AMZ1: variants seen among roughly 807,000 people sequenced by gnomAD.
AMZ1 encodes the protein archaemetzincin-1.
Under a neutral mutation model 29.9 loss-of-function variants are expected in AMZ1, and 39 were observed. The observed-to-expected ratio is 1.30, with a 90% CI of 1.01 to 1.70. The LOEUF (loss-of-function observed/expected upper bound fraction) is 1.70, where lower values mean the gene tolerates loss of function less well. AMZ1 is among the 40% of genes most tolerant of loss of function. The pLI, the probability that AMZ1 is intolerant of heterozygous loss-of-function variation, is 0.00. For synonymous variants in AMZ1, 458 were observed against 304.0 expected, an observed-to-expected ratio of 1.51 and a Z score of -5.27; for missense variants, 1,041 against 680.6, an observed-to-expected ratio of 1.53 and a Z score of -5.89.
rs139431233 is a variant in AMZ1, at chr7:2,690,342, C to T, written c.-219+2046C>T. On this transcript the variant is annotated intron_variant, in intron 1 of 6. Transcript: ENST00000683327. ...AAAGCAATCCTCCCATCTCAGCCTC[C>T]CTAGTAGCTGGGACCACAGGCATGC... 5.9e-5 allele frequency among the ~76,000 whole-genome samples: 9 copies of T among 152,328 alleles called. No homozygotes were observed. The East Asian group carries it at 1.7e-3, about 29-fold the overall frequency.
At position 2,718,083 on chromosome 7, in the gene AMZ1, C is replaced by T. The variant is rs1789235265; in HGVS notation, c.*5205C>T. On this transcript the variant is annotated 3_prime_UTR_variant, in exon 7 of 7. Coordinates refer to ENST00000683327, the MANE Select transcript of AMZ1 (RefSeq NM_001384743.1). The stretch of plus-strand genomic sequence containing the variant: ...CCTCTCTGAGAGGGGCCCGAGCTCT[C>T]GCAAGATTAACCAGAGACGACACCT... 6.6e-6 allele frequency among the ~76,000 whole-genome samples: 1 copy of T among 152,186 alleles called. No individual in the cohort carries two copies. Among genetic ancestry groups the T allele is most frequent in the South Asian group, 2.1e-4 (1 of 4,830 alleles).
chr7:2,752,162 C>T (rs1791072190), intron 4 of AMZ1, among the ~76,000 whole-genome samples: 1 of 151,074 alleles, frequency 6.6e-6, no homozygotes, highest in Non-Finnish European at 1.5e-5. Context: ...ACTATTTTAG[C>T]AAAATAAGGA....
At chr7:2,708,327 C>T (rs147552751) in intron 3 of AMZ1, among the ~76,000 whole-genome samples, 63 of 152,292 alleles carry the variant, frequency 4.1e-4, no homozygotes, top group Middle Eastern at 3.4e-3. Context: ...CTTGTTGGCC[C>T]GGCTGCCTCT....
chr7:2,719,956 C>T (rs1351385818), downstream of AMZ1, among the ~76,000 whole-genome samples: 1 of 152,220 alleles, frequency 6.6e-6, no homozygotes, highest in Non-Finnish European at 1.5e-5. Flanking sequence ...GCCAGGATTA[C>T]AGGCGTCAGC....
intron 4 of AMZ1, among the ~76,000 whole-genome samples, chr7:2,753,851 C>T (rs1791154311): frequency 6.6e-6 from 1 of 152,150 alleles, no homozygotes; most frequent in South Asian, 2.1e-4. Context: ...GCAACCTCCT[C>T]TTCTGGTTTA....
chr7:2,745,818 C>A (rs930479870), intron 4 of AMZ1, among the ~76,000 whole-genome samples: 16 of 152,092 alleles, frequency 1.1e-4, no homozygotes, highest in African/African-American at 3.9e-4. Context: ...TAAAGGGATG[C>A]AGGAAGATCT....
chr7:2,741,352 C>G (rs1222696800), intron 4 of AMZ1, among the ~76,000 whole-genome samples: 1 of 152,106 alleles, frequency 6.6e-6, no homozygotes, highest in Non-Finnish European at 1.5e-5. Flanking sequence ...GAGACACTGT[C>G]TCTTAAAAAA....
chr7:2,731,873 A>G lies in AMZ1; in HGVS notation n.550+22057A>G, dbSNP rs1160750248. 9 of 537,420 alleles carry G rather than the reference A, an allele frequency of 1.7e-5. No homozygotes were observed. Among genetic ancestry groups the G allele is most frequent in the Non-Finnish European group, 2.3e-5 (7 of 310,834 alleles). 33.3% of individuals were successfully genotyped at this position (537,420 alleles called of 1,614,324 possible). ...TGACTTTTGCAACAGGTTGAACCAGAAACCAAAAGCAAATTTCATTTATAA... is the reference window on the plus strand; with the variant it reads ...TGACTTTTGCAACAGGTTGAACCAGGAACCAAAAGCAAATTTCATTTATAA... On this transcript the variant is annotated intron_variant and non_coding_transcript_variant, in intron 4 of 4. Coordinates refer to the AMZ1 transcript ENST00000489665. This position sits in a 1 kb window ranked among gnomAD's most constrained non-coding sequence, Gnocchi z 6.0.
intron 4 of AMZ1, among the ~76,000 whole-genome samples, chr7:2,735,485 G>C (rs781350247): frequency 2.6e-5 from 4 of 152,150 alleles, no homozygotes; most frequent in East Asian, 1.9e-4. Context: ...TAGTACGGAC[G>C]CAAGGGGAAA....
chr7:2,743,629 T>C (rs972542626), intron 4 of AMZ1, among the ~76,000 whole-genome samples: 6 of 152,044 alleles, frequency 3.9e-5, no homozygotes, highest in African/African-American at 1.4e-4. Flanking sequence ...AGACGGGTGA[T>C]TTCTGCATTT....
rs577593018 is a variant in AMZ1, at chr7:2,717,478, G to A, written c.*4600G>A. ...GCCCTGTACCCAAGGGCTCTCTGGA[G>A]CTCACCCCGCACGCAGGCTGCTCCA... is the stretch of plus-strand genomic sequence containing the variant. On this transcript the variant is annotated 3_prime_UTR_variant, in exon 7 of 7. Transcript: ENST00000683327. Among the ~76,000 whole-genome samples the A allele has an allele frequency of 1.3e-4, 20 of 152,346 alleles. No homozygotes were observed. The East Asian group carries it at 3.7e-3, about 28-fold the overall frequency.
intron 4 of AMZ1, among the ~76,000 whole-genome samples, chr7:2,739,068 A>G (rs17132628): frequency 0.026 from 3,909 of 152,320 alleles, 123 homozygotes; most frequent in Middle Eastern, 0.075. Context: ...CAGGCTCCGC[A>G]GGGTGTGTCC....
At chr7:2,754,841 G>A (rs868714999) in intron 4 of AMZ1, among the ~76,000 whole-genome samples, 1 of 152,174 alleles carries the variant, frequency 6.6e-6, no homozygotes, top group Non-Finnish European at 1.5e-5. Flanking sequence ...TCACTAGGGC[G>A]TCATGTCTAA....
Position 2,717,508 on chromosome 7 carries a change from T to G in AMZ1, c.*4630T>G, listed in dbSNP as rs1213906518. Among the ~76,000 whole-genome samples, 1 of 152,240 alleles carries G rather than the reference T, an allele frequency of 6.6e-6. No individual in the cohort carries two copies. The highest frequency in any genetic ancestry group is 1.5e-5 in the Non-Finnish European group (1 of 68,046). ...CCCCGCACGCAGGCTGCTCCAGAGCTGAAATCTAGCTGTGATCCCTGTGGG... is the reference window on the plus strand; with the variant it reads ...CCCCGCACGCAGGCTGCTCCAGAGCGGAAATCTAGCTGTGATCCCTGTGGG... On this transcript the variant is annotated 3_prime_UTR_variant, in exon 7 of 7. Coordinates refer to ENST00000683327, the MANE Select transcript of AMZ1 (RefSeq NM_001384743.1).
Position 2,708,610 on chromosome 7 carries a change from GAAC to G in AMZ1, c.501_503del (p.Asn167del), listed in dbSNP as rs773976061. 38 of 1,612,766 alleles carry G rather than the reference GAAC, an allele frequency of 2.4e-5. No homozygotes were observed. Among genetic ancestry groups the G allele is most frequent in the Middle Eastern group, 3.3e-4 (2 of 6,066 alleles). ...CAGACGGCATCCTGTCCTTCTTGAA[GAAC>G]AACAAGCCAGGGGACGCGCTGTGTG... On this transcript the variant is annotated inframe_deletion, in exon 4 of 7. Transcript: ENST00000683327.
chr7:2,682,480 C>T (rs908053385), intron 1 of AMZ1, among the ~76,000 whole-genome samples: 4 of 152,188 alleles, frequency 2.6e-5, no homozygotes, highest in South Asian at 2.1e-4. Flanking sequence ...CCTGGGGAAA[C>T]GGAGGCACGG....
intron 1 of AMZ1, among the ~76,000 whole-genome samples, chr7:2,691,615 C>T (rs1787390310): frequency 6.8e-6 from 1 of 146,822 alleles, no homozygotes; most frequent in Non-Finnish European, 1.5e-5. Flanking sequence ...GTCGTGAGCG[C>T]CTGCAGTCCC....
chr7:2,698,498 A>G (rs1787867767), intron 1 of AMZ1, among the ~76,000 whole-genome samples: 1 of 152,012 alleles, frequency 6.6e-6, no homozygotes, highest in African/African-American at 2.4e-5. Context: ...AGATCACGAC[A>G]CTGCATTCTA....
chr7:2,726,294 G>A (rs969300897), intron 4 of AMZ1, among the ~76,000 whole-genome samples: 1 of 152,200 alleles, frequency 6.6e-6, no homozygotes, highest in Non-Finnish European at 1.5e-5. Flanking sequence ...TTGGTGGCAC[G>A]TTACACGGTG....
Sources: gnomAD v4.1 joint callset for allele counts (sites outside exome capture counted in the v4.1 genomes callset) on GRCh38, gnomAD v4.1.1 for gene constraint, Gnocchi (gnomAD v3.1) non-coding constraint, MANE v1.5 for transcripts, NCBI Gene and HGNC (gene_info 2026-07-23, HGNC 2026-07-21) for gene names.